Variants in CLEC4A observed in about 807,000 individuals in gnomAD.
The protein encoded by CLEC4A is C-type (calcium dependent, carbohydrate-recognition domain) lectin, superfamily member 6.
In CLEC4A, 27 loss-of-function variants were observed where a neutral mutation model predicts 32.7. The ratio of observed to expected loss-of-function variants is 0.83; its 90% CI spans 0.61 to 1.14. The LOEUF (loss-of-function observed/expected upper bound fraction) is 1.14, where lower values mean the gene tolerates loss of function less well. CLEC4A is among the 50% of genes most tolerant of loss of function. CLEC4A has a pLI of 0.00. For missense variants in CLEC4A, 253 were observed against 274.6 expected (o/e 0.92, Z 0.55); for synonymous variants, 89 against 93.7 (o/e 0.95, Z 0.29).
upstream of CLEC4A, among the ~76,000 whole-genome samples, chr12:8,122,326 G>C (rs1421785852): frequency 5.3e-5 from 8 of 151,954 alleles, no homozygotes; most frequent in Admixed American, 5.2e-4. Flanking sequence ...TAGAACCTAA[G>C]GGGGTCTAAG....
At position 8,123,949 on chromosome 12, in the gene CLEC4A, C is replaced by A. The variant is rs753851877; in HGVS notation, c.71C>A (p.Ala24Asp). Residue 24 changes from alanine (A) to aspartate (D), a missense_variant, in exon 1 of 6, where the codon GCC (alanine) becomes GAC (aspartate). Physicochemically the swap from Ala to Asp is moderately radical, Grantham distance 126. Transcript: ENST00000229332. ...TTCAAGTCCTCAGGCATCAACACAG[C>A]CTCTTCTGCAGGTAAAGATCATTTT... ...NEFKSSGINT[A>D]SSAASKERTA... 6 of 1,605,342 alleles carry A rather than the reference C, an allele frequency of 3.7e-6. No individual in the cohort carries two copies. The South Asian group carries it at 6.6e-5, about 18-fold the overall frequency.
chr12:8,103,060 A>G, the CLEC4A span, among the ~76,000 whole-genome samples: 1 of 152,068 alleles, frequency 6.6e-6, no homozygotes. Flanking sequence ...CCCCTTAATT[A>G]TATTTGATAC....
chr12:8,134,320 C>G, intron 3 of CLEC4A: 1 of 1,611,908 alleles, frequency 6.2e-7, no homozygotes, highest in South Asian at 1.1e-5. Flanking sequence ...TTTGGCTGAA[C>G]ACCTTCCCAA....
chr12:8,108,452 C>G, the CLEC4A span, among the ~76,000 whole-genome samples: 6 of 152,018 alleles, frequency 3.9e-5, no homozygotes, highest in African/African-American at 1.4e-4. Flanking sequence ...TTTTAAATTG[C>G]CTCTGAATTG....
At chr12:8,108,880 A>T in the CLEC4A span, among the ~76,000 whole-genome samples, 1 of 152,160 alleles carries the variant, frequency 6.6e-6, no homozygotes, top group Non-Finnish European at 1.5e-5. Context: ...CTTGCTTTTC[A>T]ACATTTTCTT....
chr12:8,134,988 T>TTTTTTTTTTTTTTG lies in CLEC4A; in HGVS notation c.299-590_299-589insTTTTTTGTTTTTTT. 3 of 261,756 alleles carry TTTTTTTTTTTTTTG rather than the reference T, an allele frequency of 1.1e-5. 1 individual carries two copies. The highest frequency in any genetic ancestry group is 1.2e-5 in the Non-Finnish European group (2 of 162,854). 16.2% of individuals were successfully genotyped at this position (261,756 alleles called of 1,614,324 possible). A position where few individuals can be genotyped will look rare whatever the true frequency, so the allele number is the denominator to read the frequency against. ...TTGTTGAAGCGTTTTTGTTTTTTGTTTTTTTTTAATCATGGCTGCTTTTAA... is the reference window on the plus strand; with the variant it reads ...TTGTTGAAGCGTTTTTGTTTTTTGTTTTTTTTTTTTTTTGTTTTTTTAATCATGGCTGCTTTTAA... On this transcript the variant is annotated intron_variant, in intron 3 of 5. Coordinates refer to ENST00000229332, the MANE Select transcript of CLEC4A (RefSeq NM_016184.4).
the CLEC4A span, among the ~76,000 whole-genome samples, chr12:8,104,689 A>C: frequency 6.6e-6 from 1 of 152,136 alleles, no homozygotes; most frequent in Non-Finnish European, 1.5e-5. Flanking sequence ...GGTAATAAGC[A>C]TAGTACTTGA....
chr12:8,110,959 C>G, the CLEC4A span, among the ~76,000 whole-genome samples: 1 of 151,918 alleles, frequency 6.6e-6, no homozygotes, highest in Non-Finnish European at 1.5e-5. Flanking sequence ...CTACAAGCTC[C>G]GTCTCCCAGG....
At chr12:8,103,721 C>T in the CLEC4A span, among the ~76,000 whole-genome samples, 1 of 152,052 alleles carries the variant, frequency 6.6e-6, no homozygotes, top group African/African-American at 2.4e-5. Flanking sequence ...GTATTGAGTG[C>T]TTGCTAAATT....
the CLEC4A span, among the ~76,000 whole-genome samples, chr12:8,103,404 T>TTTTTTTTTTTTTTG: frequency 9.0e-6 from 1 of 110,970 alleles, no homozygotes; most frequent in Non-Finnish European, 2.0e-5. Context: ...TTTTTTTTTT[T>TTTTTTTTTTTTTTG]TAGACGGAGT....
the CLEC4A span, among the ~76,000 whole-genome samples, chr12:8,113,276 T>A: frequency 1.3e-5 from 2 of 151,980 alleles, no homozygotes; most frequent in African/African-American, 4.8e-5. Flanking sequence ...TTCATCCATG[T>A]CCCTACAAAG....
At chr12:8,135,112 C>T (rs1053134810) in intron 3 of CLEC4A, among the ~76,000 whole-genome samples, 1 of 106,888 alleles carries the variant, frequency 9.4e-6, no homozygotes, top group Admixed American at 1.4e-4. Flanking sequence ...TCTTGAACTT[C>T]TGGGATCAAG....
intron 2 of CLEC4A, among the ~76,000 whole-genome samples, chr12:8,126,446 C>T (rs146748874): frequency 1.4e-3 from 213 of 149,890 alleles, no homozygotes; most frequent in African/African-American, 5.0e-3. Flanking sequence ...TCCTGAACTC[C>T]TGGGCTCAAG....
upstream of CLEC4A, chr12:8,121,225 T>C (rs1216494692): frequency 6.6e-6 from 1 of 152,198 alleles, no homozygotes; most frequent in Non-Finnish European, 1.5e-5. Context: ...GTTTTAGGAA[T>C]ATGGTTTGCT....
chr12:8,122,901 C>T (rs755489024), upstream of CLEC4A, among the ~76,000 whole-genome samples: 8 of 151,988 alleles, frequency 5.3e-5, no homozygotes, highest in South Asian at 2.1e-4. Context: ...GGATCATTTG[C>T]GGAGAGTTGA....
chr12:8,114,406 G>A, the CLEC4A span, among the ~76,000 whole-genome samples: 3 of 151,992 alleles, frequency 2.0e-5, no homozygotes, highest in Non-Finnish European at 4.4e-5. Flanking sequence ...CACCACGCCC[G>A]GCTAATTTTT....
At chr12:8,105,399 G>A in the CLEC4A span, among the ~76,000 whole-genome samples, 324 of 150,706 alleles carry the variant, frequency 2.1e-3, 1 homozygote, top group African/African-American at 7.6e-3. Flanking sequence ...ACCCAGGCTG[G>A]AGTGCAATGG....
chr12:8,113,074 G>A, the CLEC4A span, among the ~76,000 whole-genome samples: 11 of 151,168 alleles, frequency 7.3e-5, no homozygotes, highest in African/African-American at 1.5e-4. Flanking sequence ...CCATTAACTC[G>A]TCATTTACAT....
chr12:8,103,400 T>TTTTTTTTTTTTTTTTTTTTTTTTC, the CLEC4A span, among the ~76,000 whole-genome samples: 1 of 136,048 alleles, frequency 7.4e-6, no homozygotes, highest in Admixed American at 7.6e-5. Context: ...TTTTTTTTTT[T>TTTTTTTTTTTTTTTTTTTTTTTTC]TTTTTAGACG....
Sources: gnomAD v4.1 joint callset for allele counts (sites outside exome capture counted in the v4.1 genomes callset) on GRCh38, gnomAD v4.1.1 for gene constraint, MANE v1.5 for transcripts, NCBI Gene and HGNC (gene_info 2026-07-23, HGNC 2026-07-21) for gene names.